The following R3HDM1 variants were observed in gnomAD, a reference collection of about 807,000 sequenced individuals.
The protein encoded by R3HDM1 is R3H domain containing 1.
In R3HDM1, 46 loss-of-function variants were observed where a neutral mutation model predicts 141.1. That is an observed-to-expected ratio of 0.33 (90% confidence interval 0.26 to 0.42). The LOEUF is 0.42. Ranked by LOEUF, R3HDM1 falls within the 10% of genes least tolerant of loss-of-function variation. The pLI is 1.00. For synonymous variants in R3HDM1, 435 were observed against 472.9 expected, an observed-to-expected ratio of 0.92 and a Z score of 1.04; for missense variants, 1,184 against 1,368.3, an observed-to-expected ratio of 0.87 and a Z score of 2.12.
intron 11 of R3HDM1, among the ~76,000 whole-genome samples, chr2:135,637,520 C>CGT (rs1324782572): frequency 1.3e-5 from 2 of 152,010 alleles, no homozygotes; most frequent in African/African-American, 4.8e-5. Context: ...TGATGGTGCA[C>CGT]GTCTGTAGTC....
chr2:135,684,699 CAT>C (rs2071023526), intron 21 of R3HDM1, among the ~76,000 whole-genome samples: 1 of 152,016 alleles, frequency 6.6e-6, no homozygotes, highest in Admixed American at 6.6e-5. Context: ...CATAAATACT[CAT>C]ATGAGGAATT....
intron 23 of R3HDM1, among the ~76,000 whole-genome samples, chr2:135,710,626 G>C (rs2075516745): frequency 6.6e-6 from 1 of 151,892 alleles, no homozygotes; most frequent in Admixed American, 6.6e-5. Context: ...CTCCAGCCTG[G>C]GCAACAAGAG....
chr2:135,637,126 G>A (rs1352156698), intron 11 of R3HDM1, among the ~76,000 whole-genome samples: 3 of 152,112 alleles, frequency 2.0e-5, no homozygotes. Flanking sequence ...AGATAGATGA[G>A]GTATCTGCCC....
chr2:135,551,518 ATATACT>A (rs561686547), intron 1 of R3HDM1, among the ~76,000 whole-genome samples: 6 of 152,384 alleles, frequency 3.9e-5, no homozygotes, highest in Middle Eastern at 3.4e-3. Flanking sequence ...CATCTAGAAA[ATATACT>A]TATTCTTTGA....
intron 1 of R3HDM1, among the ~76,000 whole-genome samples, chr2:135,573,572 G>T (rs1191924426): frequency 6.6e-6 from 1 of 151,642 alleles, no homozygotes; most frequent in Non-Finnish European, 1.5e-5. Context: ...TAAGAGTAGG[G>T]ATTATAAGGG....
intron 3 of R3HDM1, chr2:135,608,020 T>A: frequency 2.1e-6 from 2 of 961,900 alleles, no homozygotes; most frequent in Non-Finnish European, 2.5e-6. Flanking sequence ...TATTTATTAA[T>A]AATTTACTAT....
chr2:135,661,452 C>G (rs2066696373), intron 19 of R3HDM1, 59 bp downstream of exon 19: 1 of 1,570,670 alleles, frequency 6.4e-7, no homozygotes, highest in Non-Finnish European at 8.7e-7. Flanking sequence ...TCTTCTATTT[C>G]AGTGTTGCTC....
At chr2:135,559,142 C>G in intron 1 of R3HDM1, 1 of 753,558 alleles carries the variant, frequency 1.3e-6, no homozygotes, top group Non-Finnish European at 1.6e-6. Flanking sequence ...GACAGGGCCT[C>G]GCTTGGTCTC....
At chr2:135,531,675 T>A in intron 1 of R3HDM1, 42 bp downstream of exon 1, 3 of 986,056 alleles carry the variant, frequency 3.0e-6, no homozygotes, top group Non-Finnish European at 3.6e-6. Context: ...TCCCCGGGAA[T>A]AACGCGCCTT....
intron 1 of R3HDM1, among the ~76,000 whole-genome samples, chr2:135,561,731 A>G (rs1701835517): frequency 6.6e-6 from 1 of 152,168 alleles, no homozygotes; most frequent in Admixed American, 6.5e-5. Context: ...AAACAAAAAA[A>G]AAACCAAGCT....
intron 18 of R3HDM1, among the ~76,000 whole-genome samples, chr2:135,656,146 C>T (rs1349538672): frequency 6.9e-6 from 1 of 145,044 alleles, no homozygotes; most frequent in African/African-American, 2.7e-5. Context: ...CTCATACATA[C>T]ATTTTTCTCT....
At chr2:135,605,140 C>T in intron 3 of R3HDM1, 124 bp downstream of exon 3, 1 of 833,386 alleles carries the variant, frequency 1.2e-6, no homozygotes, top group South Asian at 1.9e-5. Flanking sequence ...GACATGCTTA[C>T]TAGCTGGTTT....
At chr2:135,621,752 C>A in intron 6 of R3HDM1, 144 bp downstream of exon 6, 1 of 1,270,888 alleles carries the variant, frequency 7.9e-7, no homozygotes, top group Non-Finnish European at 1.0e-6. Context: ...CTTAACTCAT[C>A]TGGGCAAAAT....
intron 1 of R3HDM1, chr2:135,566,720 C>G: frequency 1.0e-6 from 1 of 984,886 alleles, no homozygotes; most frequent in Admixed American, 6.2e-5. Flanking sequence ...GTTTGTTAGT[C>G]GTTTGGATGG....
At chr2:135,589,458 C>G (rs72988442) in intron 1 of R3HDM1, among the ~76,000 whole-genome samples, 10,694 of 152,186 alleles carry the variant, frequency 0.07, 795 homozygotes, top group African/African-American at 0.19. Flanking sequence ...GAAACAGAAC[C>G]AACAAAATCA....
chr2:135,590,300 G>A (rs1311544978), intron 1 of R3HDM1, among the ~76,000 whole-genome samples: 2 of 152,140 alleles, frequency 1.3e-5, no homozygotes, highest in Non-Finnish European at 2.9e-5. Flanking sequence ...CACATCAGAT[G>A]TCAGACTTCA....
intron 17 of R3HDM1, chr2:135,651,303 G>T: frequency 1.0e-6 from 1 of 984,644 alleles, no homozygotes; most frequent in Non-Finnish European, 1.2e-6. Flanking sequence ...TCTAGGAAGA[G>T]GGGAGATAGT....
intron 1 of R3HDM1, among the ~76,000 whole-genome samples, chr2:135,595,530 T>C (rs1424127614): frequency 6.6e-6 from 1 of 152,268 alleles, no homozygotes; most frequent in African/African-American, 2.4e-5. Flanking sequence ...TATGTAATAC[T>C]GCTTTTATGG....
intron 1 of R3HDM1, among the ~76,000 whole-genome samples, chr2:135,574,616 G>A (rs1367986135): frequency 6.6e-6 from 1 of 152,182 alleles, no homozygotes; most frequent in Non-Finnish European, 1.5e-5. Context: ...ATTGTGAAGT[G>A]ATATACCATG....
Sources: gnomAD v4.1 joint callset for allele counts (sites outside exome capture counted in the v4.1 genomes callset) on GRCh38, gnomAD v4.1.1 for gene constraint, MANE v1.5 for transcripts, NCBI Gene and HGNC (gene_info 2026-07-23, HGNC 2026-07-21) for gene names.